NELL1: variants seen among roughly 807,000 people sequenced by gnomAD.
The protein encoded by NELL1 is neural EGFL like 1.
In NELL1, 76 loss-of-function variants were observed where a neutral mutation model predicts 107.4. The ratio of observed to expected loss-of-function variants is 0.71; its 90% CI spans 0.59 to 0.86. NELL1 has a LOEUF of 0.86. Ranked by LOEUF, NELL1 falls within the 40% of genes least tolerant of loss-of-function variation. The pLI is 0.00. For missense variants in NELL1, 1,024 were observed against 1,005.5 expected, an observed-to-expected ratio of 1.02 and a Z score of -0.25; for synonymous variants, 353 against 341.2, an observed-to-expected ratio of 1.03 and a Z score of -0.38.
At chr11:20,861,980 A>C (rs1590357393) in intron 4 of NELL1, among the ~76,000 whole-genome samples, 1 of 152,344 alleles carries the variant, frequency 6.6e-6, no homozygotes, top group Middle Eastern at 3.4e-3. Context: ...AGTGGCTGAA[A>C]CTATAAGGAT....
At chr11:20,975,657 TATATA>T (rs1323499532) in intron 12 of NELL1, among the ~76,000 whole-genome samples, 2 of 112,744 alleles carry the variant, frequency 1.8e-5, no homozygotes, top group Non-Finnish European at 3.5e-5. Context: ...ATGTATGTAT[TATATA>T]ATATACATAT....
At chr11:20,732,436 G>C (rs1855668150) in intron 2 of NELL1, among the ~76,000 whole-genome samples, 1 of 152,040 alleles carries the variant, frequency 6.6e-6, no homozygotes, top group South Asian at 2.1e-4. Context: ...TTTCTGATAA[G>C]GTAACTACCA....
chr11:20,914,636 G>A (rs187346184), intron 5 of NELL1, among the ~76,000 whole-genome samples: 4 of 152,136 alleles, frequency 2.6e-5, no homozygotes, highest in African/African-American at 7.2e-5. Context: ...CTAGATTTCC[G>A]GGTTAACTCT....
intron 15 of NELL1, among the ~76,000 whole-genome samples, chr11:21,492,455 A>G (rs1218753707): frequency 6.6e-6 from 1 of 152,036 alleles, no homozygotes; most frequent in Non-Finnish European, 1.5e-5. Flanking sequence ...ACGTATGTTT[A>G]TTGCGGCACT....
At chr11:21,174,311 C>A (rs866865268) in intron 13 of NELL1, among the ~76,000 whole-genome samples, 17 of 151,966 alleles carry the variant, frequency 1.1e-4, no homozygotes, top group Middle Eastern at 6.8e-3. Flanking sequence ...ATATTTCCCA[C>A]AAAATATATG....
intron 15 of NELL1, among the ~76,000 whole-genome samples, chr11:21,516,772 C>A (rs1300054960): frequency 6.6e-6 from 1 of 151,672 alleles, no homozygotes; most frequent in Non-Finnish European, 1.5e-5. Flanking sequence ...GACACACACA[C>A]TCTTCTTTTA....
intron 15 of NELL1, among the ~76,000 whole-genome samples, chr11:21,478,053 T>C (rs1333658834): frequency 6.6e-6 from 1 of 152,036 alleles, no homozygotes; most frequent in Non-Finnish European, 1.5e-5. Context: ...GAGGTTTAAT[T>C]GACTCAGTTC....
intron 12 of NELL1, among the ~76,000 whole-genome samples, chr11:21,066,312 A>G (rs908221816): frequency 1.3e-5 from 2 of 152,184 alleles, no homozygotes; most frequent in Middle Eastern, 6.8e-3. Context: ...TGATCATCTC[A>G]CACTTTGCAT....
At chr11:20,962,154 TTCA>T (rs1851303714) in intron 12 of NELL1, among the ~76,000 whole-genome samples, 1 of 152,112 alleles carries the variant, frequency 6.6e-6, no homozygotes, top group East Asian at 1.9e-4. Flanking sequence ...TATGAACCTT[TTCA>T]TCTGCCCTTT....
chr11:21,021,617 A>C (rs1173566480), intron 12 of NELL1, among the ~76,000 whole-genome samples: 5 of 152,020 alleles, frequency 3.3e-5, no homozygotes, highest in Non-Finnish European at 5.9e-5. Flanking sequence ...AATGCATGCA[A>C]ATTGCATTAT....
At chr11:21,177,173 G>T (rs567821161) in intron 13 of NELL1, among the ~76,000 whole-genome samples, 1 of 151,576 alleles carries the variant, frequency 6.6e-6, no homozygotes, top group African/African-American at 2.4e-5. Context: ...AACTATAGTC[G>T]CCATGCTATG....
intron 12 of NELL1, among the ~76,000 whole-genome samples, chr11:21,080,679 T>C (rs1485019112): frequency 2.6e-5 from 4 of 152,126 alleles, no homozygotes; most frequent in Non-Finnish European, 5.9e-5. Flanking sequence ...TACATGCATA[T>C]GTTTATCTGT....
At chr11:21,284,787 A>G (rs1849079387) in intron 14 of NELL1, 1 of 342,514 alleles carries the variant, frequency 2.9e-6, no homozygotes, top group Admixed American at 3.9e-5. Context: ...AATTTGTATC[A>G]TGCTGGATTA....
chr11:21,270,278 C>T lies in NELL1; in HGVS notation c.1549+40824C>T, dbSNP rs368044672. On this transcript the variant is annotated intron_variant, in intron 14 of 19. Transcript: ENST00000357134. ...TGGATCAAAAGACAAGACCCAACTA[C>T]GTGCTGTCTACAAAATACTCACTTT... Among the ~76,000 whole-genome samples, 51 of 152,030 alleles carry T rather than the reference C, an allele frequency of 3.4e-4. No homozygotes were observed. In the East Asian group the frequency reaches 4.3e-3, roughly 13 times the overall value.
chr11:20,669,564 C>T (rs577007020), upstream of NELL1: 3 of 379,708 alleles, frequency 7.9e-6, no homozygotes, highest in South Asian at 4.5e-5. The surrounding 1 kb of genome is among the most constrained non-coding windows in gnomAD (Gnocchi z 4.4). Context: ...GCTGCCTTCC[C>T]GGGCGCATAT....
chr11:20,949,918 C>T (rs894457117), intron 11 of NELL1, among the ~76,000 whole-genome samples: 1 of 152,178 alleles, frequency 6.6e-6, no homozygotes, highest in Non-Finnish European at 1.5e-5. Flanking sequence ...AAACAGCCAG[C>T]TCTTTTACTT....
At chr11:21,036,077 A>G (rs1330273453) in intron 12 of NELL1, among the ~76,000 whole-genome samples, 2 of 152,010 alleles carry the variant, frequency 1.3e-5, no homozygotes, top group Admixed American at 1.3e-4. Flanking sequence ...AATTAACGTT[A>G]CTATGCACCA....
intron 2 of NELL1, among the ~76,000 whole-genome samples, chr11:20,721,264 T>G (rs189223987): frequency 1.2e-3 from 175 of 149,288 alleles, no homozygotes; most frequent in Non-Finnish European, 9.2e-4. Flanking sequence ...TTGTTTGTTG[T>G]TGTGTTGTTA....
intron 2 of NELL1, among the ~76,000 whole-genome samples, chr11:20,751,033 G>A (rs553614056): frequency 3.3e-5 from 5 of 152,152 alleles, no homozygotes; most frequent in Admixed American, 1.3e-4. Context: ...ATGTGTGTGT[G>A]TGTGTGTTTG....
Sources: gnomAD v4.1 joint callset for allele counts (sites outside exome capture counted in the v4.1 genomes callset) on GRCh38, gnomAD v4.1.1 for gene constraint, Gnocchi (gnomAD v3.1) non-coding constraint, MANE v1.5 for transcripts, NCBI Gene and HGNC (gene_info 2026-07-23, HGNC 2026-07-21) for gene names.